The following GRM7 variants were observed in gnomAD, a reference collection of about 807,000 sequenced individuals.
GRM7 encodes the protein glutamate metabotropic receptor 7.
Under a neutral mutation model 84.5 loss-of-function variants are expected in GRM7, and 35 were observed. The observed-to-expected ratio is 0.41, with a 90% CI of 0.32 to 0.55. The LOEUF (loss-of-function observed/expected upper bound fraction) is 0.55. Among genes scored for constraint, GRM7 ranks in the 20% least tolerant of loss-of-function variants. The pLI is 0.19. For missense variants in GRM7, 1,003 were observed against 1,194.6 expected, an observed-to-expected ratio of 0.84 and a Z score of 2.36; for synonymous variants, 487 against 455.1, an observed-to-expected ratio of 1.07 and a Z score of -0.89.
intron 2 of GRM7, among the ~76,000 whole-genome samples, chr3:7,230,216 C>T (rs898213390): frequency 2.0e-5 from 3 of 152,042 alleles, no homozygotes; most frequent in Non-Finnish European, 2.9e-5. Flanking sequence ...GTGAAATAAA[C>T]ACATTTATGT....
intron 1 of GRM7, among the ~76,000 whole-genome samples, chr3:7,033,246 T>C (rs558529344): frequency 2.0e-5 from 3 of 152,276 alleles, no homozygotes; most frequent in Admixed American, 2.0e-4. Context: ...CACCTTAATC[T>C]AGTATAACCT....
chr3:7,318,423 G>C (rs966890736), intron 4 of GRM7, among the ~76,000 whole-genome samples: 4 of 152,096 alleles, frequency 2.6e-5, no homozygotes, highest in African/African-American at 7.2e-5. Flanking sequence ...GATTGAGTGA[G>C]AACAATAAGA....
At chr3:7,205,817 T>C (rs925316190) in intron 2 of GRM7, among the ~76,000 whole-genome samples, 1 of 152,202 alleles carries the variant, frequency 6.6e-6, no homozygotes, top group African/African-American at 2.4e-5. Flanking sequence ...ATTGATAATA[T>C]GCTAATCGTA....
intron 1 of GRM7, among the ~76,000 whole-genome samples, chr3:6,883,717 C>T (rs1281191481): frequency 6.6e-6 from 1 of 152,198 alleles, no homozygotes; most frequent in Non-Finnish European, 1.5e-5. Context: ...AGGAAAGCTT[C>T]ACAGCAAGAA....
Position 7,740,464 on chromosome 3 carries a change from A to AT in GRM7, c.*58_*59insT, listed in dbSNP as rs144129764. 239 of 1,008,086 alleles carry AT rather than the reference A, an allele frequency of 2.4e-4. No individual in the cohort carries two copies. The African/African-American group carries it at 3.4e-3, about 14-fold the overall frequency. 62.4% of individuals were successfully genotyped at this position (1,008,086 alleles called of 1,614,324 possible). On this transcript the variant is annotated 3_prime_UTR_variant, in exon 10 of 10. Coordinates refer to ENST00000357716, the MANE Select transcript of GRM7 (RefSeq NM_000844.4). ...AGACCCTCAGTTATTTTGTCACCCAACCTGGCATAGGACTCTTTGGTCCTA... is the reference window on the plus strand; with the variant it reads ...AGACCCTCAGTTATTTTGTCACCCAATCCTGGCATAGGACTCTTTGGTCCTA...
intron 8 of GRM7, among the ~76,000 whole-genome samples, chr3:7,620,888 TA>T (rs1697327260): frequency 6.6e-6 from 1 of 152,116 alleles, no homozygotes; most frequent in African/African-American, 2.4e-5. Flanking sequence ...CTGGTGATGG[TA>T]AAAACCACAA....
chr3:7,572,074 G>A, intron 7 of GRM7, among the ~76,000 whole-genome samples: 1 of 152,148 alleles, frequency 6.6e-6, no homozygotes, highest in South Asian at 2.1e-4. Flanking sequence ...TGACACATGG[G>A]AATTGTGGGA....
intron 9 of GRM7, among the ~76,000 whole-genome samples, chr3:7,715,617 A>G (rs1559502957): frequency 6.6e-6 from 1 of 152,306 alleles, no homozygotes; most frequent in East Asian, 1.9e-4. Context: ...AGTAGGTTCC[A>G]TTGTTGTTCT....
intron 8 of GRM7, among the ~76,000 whole-genome samples, chr3:7,614,088 A>T (rs1364076195): frequency 6.6e-6 from 1 of 151,880 alleles, no homozygotes; most frequent in Non-Finnish European, 1.5e-5. Flanking sequence ...ACATGGTGAA[A>T]CTCCGTCTCT....
chr3:7,581,773 T>C (rs905940664), intron 8 of GRM7, among the ~76,000 whole-genome samples: 13 of 152,186 alleles, frequency 8.5e-5, no homozygotes, highest in Non-Finnish European at 1.3e-4. Context: ...GAAATTGAAT[T>C]TATATTGAGT....
intron 7 of GRM7, among the ~76,000 whole-genome samples, chr3:7,542,220 C>T (rs1248629536): frequency 6.6e-6 from 1 of 152,146 alleles, no homozygotes; most frequent in African/African-American, 2.4e-5. Context: ...TTGCAGGACA[C>T]AATTCAACCC....
chr3:7,383,922 T>C (rs2125132613), intron 4 of GRM7, among the ~76,000 whole-genome samples: 1 of 152,310 alleles, frequency 6.6e-6, no homozygotes, highest in South Asian at 2.1e-4. Flanking sequence ...TAAGTATATT[T>C]AAAATTCTCA....
intron 2 of GRM7, among the ~76,000 whole-genome samples, chr3:7,201,069 A>T (rs555562018): frequency 7.4e-4 from 105 of 141,148 alleles, no homozygotes; most frequent in African/African-American, 2.8e-3. Context: ...TCCTGGGTTC[A>T]TGCCATTCTC....
intron 9 of GRM7, among the ~76,000 whole-genome samples, chr3:7,689,719 CA>C (rs1436455537): frequency 6.6e-6 from 1 of 152,160 alleles, no homozygotes; most frequent in Non-Finnish European, 1.5e-5. Flanking sequence ...CTCAAAGTCA[CA>C]AAAACTATGT....
intron 1 of GRM7, among the ~76,000 whole-genome samples, chr3:6,905,545 T>C (rs1234251122): frequency 6.8e-6 from 1 of 147,444 alleles, no homozygotes; most frequent in Non-Finnish European, 1.5e-5. Flanking sequence ...TTTCAATCTA[T>C]ATTCTTTGAA....
intron 8 of GRM7, among the ~76,000 whole-genome samples, chr3:7,605,262 G>T (rs1238720504): frequency 3.3e-5 from 5 of 152,014 alleles, no homozygotes; most frequent in Non-Finnish European, 7.4e-5. Flanking sequence ...GACTCAAAAG[G>T]CTGTGGTTAT....
intron 1 of GRM7, among the ~76,000 whole-genome samples, chr3:6,948,831 A>G (rs1287434585): frequency 6.6e-6 from 1 of 151,744 alleles, no homozygotes. Context: ...GTGTGTTTTG[A>G]TCTTTGTTGG....
At chr3:7,737,664 A>C (rs1326386088) in intron 9 of GRM7, among the ~76,000 whole-genome samples, 1 of 152,184 alleles carries the variant, frequency 6.6e-6, no homozygotes, top group African/African-American at 2.4e-5. Context: ...CATAAACTTC[A>C]TTATAATTTT....
intron 9 of GRM7, chr3:7,691,267 G>C: frequency 7.8e-7 from 1 of 1,287,794 alleles, no homozygotes; most frequent in Non-Finnish European, 1.0e-6. Context: ...TCCAAAGCTT[G>C]TTCTTCTTGA....
Sources: allele counts gnomAD v4.1 joint callset (sites outside exome capture counted in the v4.1 genomes callset), GRCh38; gene constraint gnomAD v4.1.1; transcripts MANE v1.5; gene names NCBI Gene and HGNC (gene_info 2026-07-23, HGNC 2026-07-21).